The following IL17RD variants were observed in gnomAD, a reference collection of about 807,000 sequenced individuals.
The protein encoded by IL17RD is interleukin-17 receptor D.
Under a neutral mutation model 80.5 loss-of-function variants are expected in IL17RD, and 52 were observed. The ratio of observed to expected loss-of-function variants is 0.65; its 90% CI spans 0.52 to 0.81. The LOEUF is 0.81. Among genes scored for constraint, IL17RD ranks in the 40% least tolerant of loss-of-function variants. The pLI is 0.00. For missense variants in IL17RD, 1,024 were observed against 955.1 expected, an observed-to-expected ratio of 1.07 and a Z score of -0.95; for synonymous variants, 416 against 391.8, an observed-to-expected ratio of 1.06 and a Z score of -0.73.
chr3:57,154,283 T>TACACACACACACACACACACACACACAC (rs1553628627), intron 1 of IL17RD, among the ~76,000 whole-genome samples: 7 of 112,898 alleles, frequency 6.2e-5, no homozygotes, highest in African/African-American at 2.2e-4. Context: ...TATATATATA[T>TACACACACACACACACACACACACACAC]ACACACACAC....
chr3:57,100,337 G>T (rs1481608594), intron 11 of IL17RD, among the ~76,000 whole-genome samples: 1 of 152,148 alleles, frequency 6.6e-6, no homozygotes, highest in Non-Finnish European at 1.5e-5. Context: ...CATGCCAATG[G>T]GCAGTTTCAA....
intron 1 of IL17RD, among the ~76,000 whole-genome samples, chr3:57,149,934 A>G (rs1163981014): frequency 6.6e-6 from 1 of 152,226 alleles, no homozygotes; most frequent in Non-Finnish European, 1.5e-5. Flanking sequence ...TTTTTGGTGT[A>G]TGGGTCCACA....
Position 57,165,302 on chromosome 3 carries a change from C to T in IL17RD, c.-16G>A, listed in dbSNP as rs1559490527. On this transcript the variant is annotated 5_prime_UTR_variant, in exon 1 of 13. Transcript: ENST00000296318. ...ACGGGGCCATGGCCGTGCGCTCGCC[C>T]AGCCAGGCCGTTCTCTGCGCCCCGG... 3 of 1,422,688 alleles carry T rather than the reference C, an allele frequency of 2.1e-6. No homozygotes were observed. Among genetic ancestry groups the T allele is most frequent in the Non-Finnish European group, 2.8e-6 (3 of 1,083,000 alleles). 88.1% of individuals were successfully genotyped at this position (1,422,688 alleles called of 1,614,324 possible).
chr3:57,148,539 C>T (rs765229549), intron 1 of IL17RD, among the ~76,000 whole-genome samples: 2 of 152,060 alleles, frequency 1.3e-5, no homozygotes, highest in African/African-American at 4.8e-5. Flanking sequence ...TTTCTGCCAC[C>T]ATTTGGTTTG....
chr3:57,116,786 T>C (rs976339476), intron 2 of IL17RD, among the ~76,000 whole-genome samples: 1 of 152,012 alleles, frequency 6.6e-6, no homozygotes, highest in African/African-American at 2.4e-5. Context: ...GATCAGCTCT[T>C]ACCACTTCTA....
chr3:57,122,263 G>C (rs149033556), intron 1 of IL17RD, among the ~76,000 whole-genome samples: 2 of 152,330 alleles, frequency 1.3e-5, no homozygotes, highest in Non-Finnish European at 2.9e-5. Context: ...GAGGAAAGCA[G>C]AGTAACATCA....
intron 2 of IL17RD, among the ~76,000 whole-genome samples, chr3:57,119,061 C>T (rs1292105313): frequency 2.0e-5 from 3 of 151,518 alleles, no homozygotes; most frequent in African/African-American, 7.3e-5. Flanking sequence ...CAAAAACTAA[C>T]TGGGTGTGTG....
intron 7 of IL17RD, among the ~76,000 whole-genome samples, chr3:57,105,408 G>A (rs1276137751): frequency 6.6e-6 from 1 of 150,846 alleles, no homozygotes; most frequent in African/African-American, 2.4e-5. Flanking sequence ...GTGGTGGCAT[G>A]CGCCTATAAT....
At chr3:57,155,280 C>T (rs965685862) in intron 1 of IL17RD, among the ~76,000 whole-genome samples, 9 of 152,318 alleles carry the variant, frequency 5.9e-5, no homozygotes, top group East Asian at 1.9e-4. Context: ...AGTCCAAAAC[C>T]GGGATGCTTA....
chr3:57,151,340 C>G (rs1166673550), intron 1 of IL17RD, among the ~76,000 whole-genome samples: 1 of 152,134 alleles, frequency 6.6e-6, no homozygotes, highest in African/African-American at 2.4e-5. Context: ...CACAGACCAT[C>G]AGTGAGTAAC....
chr3:57,103,793 C>G (rs564424525), intron 8 of IL17RD, among the ~76,000 whole-genome samples: 23 of 152,216 alleles, frequency 1.5e-4, no homozygotes, highest in Non-Finnish European at 8.8e-5. Flanking sequence ...CAACCTCCAC[C>G]TTCCAGTTTC....
chr3:57,096,386 C>T lies in IL17RD; in HGVS notation c.*7G>A, dbSNP rs758500833. ...TAAAGTGGCAATGCTTAGACTCTTT[C>T]GTTTTGTTACAAAGGGGCGACCGCG... On this transcript the variant is annotated 3_prime_UTR_variant, in exon 13 of 13. Transcript: ENST00000296318. The T allele has an allele frequency of 4.4e-6, 7 of 1,601,732 alleles. No individual in the cohort carries two copies. The highest frequency in any genetic ancestry group is 1.3e-5 in the African/African-American group (1 of 74,782).
At chr3:57,116,852 C>T (rs960711120) in intron 2 of IL17RD, among the ~76,000 whole-genome samples, 5 of 149,494 alleles carry the variant, frequency 3.3e-5, no homozygotes, top group African/African-American at 1.2e-4. Context: ...GGTATTCAGC[C>T]TGTAAAAATC....
chr3:57,165,311 C>A lies in IL17RD; in HGVS notation c.-25G>T. ...TGGCCGTGCGCTCGCCCAGCCAGGC[C>A]GTTCTCTGCGCCCCGGCCGCCCGCC... On this transcript the variant is annotated 5_prime_UTR_variant, in exon 1 of 13. Transcript: ENST00000296318. 7.3e-7 allele frequency: 1 copy of A among 1,368,242 alleles called. No individual in the cohort carries two copies. 84.8% of individuals were successfully genotyped at this position (1,368,242 alleles called of 1,614,324 possible). A position where few individuals can be genotyped will look rare whatever the true frequency, so the allele number is the denominator to read the frequency against.
rs1560188426 is a variant in IL17RD, at chr3:57,090,082, C to T, written c.*6311G>A. The T allele has an allele frequency of 6.6e-6, 1 of 152,548 alleles. No homozygotes were observed. The highest frequency in any genetic ancestry group is 1.5e-5 in the Non-Finnish European group (1 of 68,042). 9.4% of individuals were successfully genotyped at this position (152,548 alleles called of 1,614,324 possible). ...TTTCACCTAGTTACAGAGTTATGTA[C>T]AAATCAAGTCATTAACATTTTCAAT... is the stretch of plus-strand genomic sequence containing the variant. On this transcript the variant is annotated 3_prime_UTR_variant, in exon 13 of 13. Coordinates refer to ENST00000296318, the MANE Select transcript of IL17RD (RefSeq NM_017563.5).
chr3:57,123,037 G>A (rs1707374503), intron 1 of IL17RD, among the ~76,000 whole-genome samples: 1 of 152,044 alleles, frequency 6.6e-6, no homozygotes, highest in Non-Finnish European at 1.5e-5. Context: ...GTGGAAAGGA[G>A]CCCAAGACAG....
At position 57,110,288 on chromosome 3, in the gene IL17RD, G is replaced by A. The variant is rs1043809472; in HGVS notation, c.334C>T (p.Arg112Trp). The change falls in exon 4 of 13, where the codon CGG (arginine) becomes TGG (tryptophan). Residue 112 changes from arginine (R) to tryptophan (W), a missense_variant. Physicochemically the swap from Arg to Trp is moderately radical, Grantham distance 101. Coordinates refer to ENST00000296318, the MANE Select transcript of IL17RD (RefSeq NM_017563.5). ...ALGIEFLKGFRVILEELKSEG... is the reference protein window; with the variant it reads ...ALGIEFLKGFWVILEELKSEG... ...GACTTCAGCTCCTCCAGTATTACCC[G>A]AAATCCTTTCAGGAATTCGATGCCT... 13 of 1,605,872 alleles carry A rather than the reference G, an allele frequency of 8.1e-6. No individual in the cohort carries two copies. Among genetic ancestry groups the A allele is most frequent in the East Asian group, 6.7e-5 (3 of 44,768 alleles).
chr3:57,111,269 C>G (rs931494547), intron 3 of IL17RD, among the ~76,000 whole-genome samples: 1 of 152,218 alleles, frequency 6.6e-6, no homozygotes, highest in Admixed American at 6.5e-5. Context: ...ATCTTTTTCT[C>G]TTTCAAATAG....
intron 1 of IL17RD, among the ~76,000 whole-genome samples, chr3:57,127,261 T>TAAAAATATATAA (rs1348148775): frequency 4.6e-5 from 4 of 87,552 alleles, no homozygotes; most frequent in African/African-American, 2.3e-4. Flanking sequence ...TAAATATATA[T>TAAAAATATATAA]AAATATATAT....
Sources: gnomAD v4.1 joint callset for allele counts (sites outside exome capture counted in the v4.1 genomes callset) on GRCh38, gnomAD v4.1.1 for gene constraint, MANE v1.5 for transcripts, NCBI Gene and HGNC (gene_info 2026-07-23, HGNC 2026-07-21) for gene names.